ADGRL3: variants seen among roughly 807,000 people sequenced by gnomAD.
The protein encoded by ADGRL3 is calcium-independent alpha-latrotoxin receptor 3.
Under a neutral mutation model 153.5 loss-of-function variants are expected in ADGRL3, and 62 were observed. That is an observed-to-expected ratio of 0.40 (90% confidence interval 0.33 to 0.50). The LOEUF (loss-of-function observed/expected upper bound fraction) is 0.50, where lower values mean the gene tolerates loss of function less well. Among genes scored for constraint, ADGRL3 ranks in the 20% least tolerant of loss-of-function variants. ADGRL3 has a pLI of 0.47. For missense variants in ADGRL3, 1,641 were observed against 1,859.4 expected, an observed-to-expected ratio of 0.88 and a Z score of 2.16; for synonymous variants, 710 against 672.5, an observed-to-expected ratio of 1.06 and a Z score of -0.86.
At chr4:61,349,038 G>A (rs2095987099) in intron 1 of ADGRL3, among the ~76,000 whole-genome samples, 1 of 151,860 alleles carries the variant, frequency 6.6e-6, no homozygotes, top group African/African-American at 2.4e-5. Flanking sequence ...AGTTATTTAA[G>A]ACAAATATAT....
intron 9 of ADGRL3, among the ~76,000 whole-genome samples, chr4:61,850,696 G>A (rs779762405): frequency 3.3e-5 from 5 of 152,040 alleles, no homozygotes; most frequent in Non-Finnish European, 5.9e-5. Flanking sequence ...ATTCTATTTC[G>A]GCAGGGCTAT....
intron 1 of ADGRL3, among the ~76,000 whole-genome samples, chr4:61,299,957 T>C (rs1261125481): frequency 6.6e-6 from 1 of 152,200 alleles, no homozygotes; most frequent in African/African-American, 2.4e-5. Flanking sequence ...TTATCAGATA[T>C]TGAAATCCAG....
chr4:61,247,230 C>T (rs1276337041), intron 1 of ADGRL3, among the ~76,000 whole-genome samples: 1 of 151,906 alleles, frequency 6.6e-6, no homozygotes, highest in Non-Finnish European at 1.5e-5. Context: ...TGAGCTACAT[C>T]CTGGGGATAG....
At chr4:61,575,368 C>T (rs760930873) in intron 4 of ADGRL3, among the ~76,000 whole-genome samples, 1 of 152,006 alleles carries the variant, frequency 6.6e-6, no homozygotes, top group Middle Eastern at 3.4e-3. Context: ...TGTTTAAAAT[C>T]ATTTTGGATA....
Position 61,917,813 on chromosome 4 carries a change from C to G in ADGRL3, c.2112+5056C>G, listed in dbSNP as rs980602356. 4.6e-5 allele frequency among the ~76,000 whole-genome samples: 7 copies of G among 151,606 alleles called. No homozygotes were observed. In the South Asian group the frequency reaches 1.2e-3, roughly 27 times the overall value. ...ATTTTAGCAGAGAGAACAGAAAGTT[C>G]CTGAAATGGAAATATTCCTGTTGGT... On this transcript the variant is annotated intron_variant, in intron 13 of 26. Coordinates refer to ENST00000683033, the MANE Select transcript of ADGRL3 (RefSeq NM_001387552.1).
chr4:61,642,204 T>C (rs1052465415), intron 5 of ADGRL3, among the ~76,000 whole-genome samples: 4 of 151,284 alleles, frequency 2.6e-5, no homozygotes, highest in African/African-American at 9.7e-5. Context: ...GTCAGATGAG[T>C]AGGTTGCGAA....
chr4:61,757,191 C>A (rs375989520), intron 8 of ADGRL3, among the ~76,000 whole-genome samples: 10 of 152,086 alleles, frequency 6.6e-5, no homozygotes, highest in Admixed American at 2.0e-4. Context: ...TTTCAGAAGG[C>A]ATGGTACCAG....
chr4:61,897,102 T>C (rs2098636109), intron 11 of ADGRL3, among the ~76,000 whole-genome samples: 1 of 152,236 alleles, frequency 6.6e-6, no homozygotes, highest in Admixed American at 6.5e-5. Flanking sequence ...GCCCAGCTAA[T>C]CTTAGGACAA....
At position 61,676,844 on chromosome 4, in the gene ADGRL3, G is replaced by A; in HGVS notation, c.492G>A (p.Gln164=). The change falls in exon 6 of 27, where the codon CAG becomes CAA. Residue 164 remains glutamine (Q), a synonymous_variant. Coordinates refer to ENST00000683033, the MANE Select transcript of ADGRL3 (RefSeq NM_001387552.1). ...IMSQRCNNRT[Q]CAVVAGPDVF... Reference sequence around the variant, plus strand: ...ACTTCAGATGCAATAACAGAACCCAGTGTGCAGTGGTGGCAGGTCCTGATG... The same window carrying A: ...ACTTCAGATGCAATAACAGAACCCAATGTGCAGTGGTGGCAGGTCCTGATG... The A allele has an allele frequency of 6.2e-7, 1 of 1,611,690 alleles. No homozygotes were observed. Among genetic ancestry groups the A allele is most frequent in the Non-Finnish European group, 8.5e-7 (1 of 1,178,280 alleles).
At chr4:61,260,557 C>A (rs1223819274) in intron 1 of ADGRL3, among the ~76,000 whole-genome samples, 2 of 152,104 alleles carry the variant, frequency 1.3e-5, no homozygotes, top group Non-Finnish European at 2.9e-5. Flanking sequence ...CTCATTTTCT[C>A]TTTTAGGGTG....
rs1745442227 is a variant in ADGRL3, at chr4:62,070,869, A to T, written c.4593A>T (p.Gly1531=). The T allele has an allele frequency of 7.1e-6, 11 of 1,551,338 alleles. 1 individual carries two copies. The East Asian group carries it at 2.7e-4, about 38-fold the overall frequency. The change falls in exon 27 of 27, where the codon GGA becomes GGT. Residue 1531 remains glycine, a synonymous_variant. Transcript: ENST00000683033. The part of the protein sequence containing the change: ...PPNKDGTPPE[G]SSKGPAHLVT... ...ACAAAGATGGGACCCCTCCCGAGGG[A>T]AGTTCAAAAGGACCGGCTCATTTGG...
chr4:61,321,633 C>T (rs2095358146), intron 1 of ADGRL3, among the ~76,000 whole-genome samples: 1 of 150,468 alleles, frequency 6.6e-6, no homozygotes, highest in Admixed American at 6.7e-5. Context: ...GCCTGTTGCT[C>T]CTAGACTACA....
At chr4:61,637,702 A>C (rs761967079) in intron 5 of ADGRL3, among the ~76,000 whole-genome samples, 8 of 152,166 alleles carry the variant, frequency 5.3e-5, no homozygotes, top group Non-Finnish European at 1.0e-4. Flanking sequence ...TGGAAGTTGC[A>C]GTGAGCCAAG....
At chr4:61,741,855 T>TTACACTAACACA in intron 8 of ADGRL3, among the ~76,000 whole-genome samples, 1 of 152,386 alleles carries the variant, frequency 6.6e-6, no homozygotes, top group South Asian at 2.1e-4. Context: ...GTTAGTTGTG[T>TTACACTAACACA]TTCTACAGAA....
chr4:61,909,392 G>A (rs1240705743), intron 11 of ADGRL3, among the ~76,000 whole-genome samples, 168 bp from the exon 12 acceptor site: 1 of 152,150 alleles, frequency 6.6e-6, no homozygotes, highest in Non-Finnish European at 1.5e-5. Flanking sequence ...TCAAGAAAAA[G>A]ATTAATTCGC....
At chr4:61,570,641 G>T (rs1463810842) in intron 4 of ADGRL3, among the ~76,000 whole-genome samples, 2 of 152,082 alleles carry the variant, frequency 1.3e-5, no homozygotes, top group African/African-American at 4.8e-5. Flanking sequence ...TGAATTTGTG[G>T]TTTATTTTCT....
At chr4:61,838,759 G>A (rs1334879792) in intron 9 of ADGRL3, among the ~76,000 whole-genome samples, 2 of 152,124 alleles carry the variant, frequency 1.3e-5, no homozygotes, top group Non-Finnish European at 2.9e-5. Flanking sequence ...AAGGCATGAA[G>A]GTACTGTTTT....
At chr4:61,443,308 A>G (rs375344008) in intron 2 of ADGRL3, among the ~76,000 whole-genome samples, 65 of 152,302 alleles carry the variant, frequency 4.3e-4, no homozygotes, top group African/African-American at 1.5e-3. Context: ...GCTCTGAAGA[A>G]TATTTCAGTG....
At chr4:61,254,483 T>C (rs1382330407) in intron 1 of ADGRL3, among the ~76,000 whole-genome samples, 2 of 152,176 alleles carry the variant, frequency 1.3e-5, no homozygotes, top group East Asian at 3.8e-4. Flanking sequence ...GACATGACTG[T>C]GCATGACCAG....
Sources: allele counts gnomAD v4.1 joint callset (sites outside exome capture counted in the v4.1 genomes callset), GRCh38; gene constraint gnomAD v4.1.1; transcripts MANE v1.5; gene names NCBI Gene and HGNC (gene_info 2026-07-23, HGNC 2026-07-21).